Variants in CHD6 observed in about 807,000 individuals in gnomAD.
The protein encoded by CHD6 is chromodomain helicase DNA binding protein 6, also known as ATP-dependent chromatin remodeler CHD6.
Under a neutral mutation model 276.9 loss-of-function variants are expected in CHD6, and 50 were observed. The ratio of observed to expected loss-of-function variants is 0.18; its 90% CI spans 0.14 to 0.23. The LOEUF is 0.23. CHD6 is among the 10% of genes least tolerant of loss of function. The pLI, the probability that CHD6 is intolerant of heterozygous loss-of-function variation, is 1.00. For synonymous variants in CHD6, 1,173 were observed against 1,229.3 expected, an observed-to-expected ratio of 0.95 and a Z score of 0.96; for missense variants, 2,564 against 3,365.8, an observed-to-expected ratio of 0.76 and a Z score of 5.89.
At chr20:41,491,648 C>T in intron 11 of CHD6, 50 bp downstream of exon 11, 7 of 1,611,232 alleles carry the variant, frequency 4.3e-6, no homozygotes, top group Non-Finnish European at 5.9e-6. Context: ...CAGGCTAAGG[C>T]AATAATATAC....
intron 3 of CHD6, among the ~76,000 whole-genome samples, chr20:41,522,623 C>A (rs1408684858): frequency 6.6e-6 from 1 of 152,030 alleles, no homozygotes; most frequent in African/African-American, 2.4e-5. Flanking sequence ...AACTTGTTTG[C>A]AACTGGTTCA....
intron 1 of CHD6, among the ~76,000 whole-genome samples, chr20:41,563,194 G>T (rs2045320465): frequency 6.6e-6 from 1 of 152,216 alleles, no homozygotes; most frequent in Non-Finnish European, 1.5e-5. Flanking sequence ...GCCAGTAGTA[G>T]AAGTGACAAC....
chr20:41,472,729 A>G (rs554869537), intron 17 of CHD6, among the ~76,000 whole-genome samples: 2 of 152,348 alleles, frequency 1.3e-5, no homozygotes, highest in African/African-American at 2.4e-5. Context: ...TTCAAAAAAT[A>G]TATCAACTCC....
intron 25 of CHD6, 98 bp downstream of exon 25, chr20:41,445,567 A>C (rs1352535798): frequency 1.0e-5 from 7 of 701,668 alleles, no homozygotes. Flanking sequence ...AGAATGATAG[A>C]GTTTTGCAGG....
chr20:41,554,952 G>A (rs1271616288), intron 1 of CHD6, among the ~76,000 whole-genome samples: 2 of 151,644 alleles, frequency 1.3e-5, no homozygotes, highest in African/African-American at 2.4e-5. Context: ...TCCCAGTAGG[G>A]GCAGCCGGGC....
intron 1 of CHD6, among the ~76,000 whole-genome samples, chr20:41,555,635 A>G (rs1469644275): frequency 6.0e-5 from 7 of 116,538 alleles, no homozygotes; most frequent in African/African-American, 1.0e-4. Context: ...GGGTAGAGGC[A>G]CTCCTCACAT....
At chr20:41,497,025 G>GT (rs2043703605) in intron 8 of CHD6, 2 of 184,138 alleles carry the variant, frequency 1.1e-5, no homozygotes, top group African/African-American at 4.7e-5. Context: ...GATTTGTTTT[G>GT]TTTTTTACAT....
intron 1 of CHD6, among the ~76,000 whole-genome samples, chr20:41,568,831 G>A (rs1454611009): frequency 1.3e-5 from 2 of 152,182 alleles, no homozygotes; most frequent in Non-Finnish European, 2.9e-5. Flanking sequence ...GCTGCACCCT[G>A]ATGGCTTCCA....
At chr20:41,526,587 C>T (rs943819612) in intron 3 of CHD6, among the ~76,000 whole-genome samples, 22 of 151,178 alleles carry the variant, frequency 1.5e-4, no homozygotes, top group Non-Finnish European at 2.2e-4. Context: ...TTTAACACTT[C>T]GCAGAAGCAA....
intron 1 of CHD6, among the ~76,000 whole-genome samples, chr20:41,565,893 G>C (rs2045350325): frequency 6.6e-6 from 1 of 152,206 alleles, no homozygotes; most frequent in African/African-American, 2.4e-5. Context: ...TCTATGGAAA[G>C]TGGGAGAACA....
At chr20:41,603,484 A>G (rs865774653) in intron 1 of CHD6, among the ~76,000 whole-genome samples, 10 of 152,232 alleles carry the variant, frequency 6.6e-5, no homozygotes, top group African/African-American at 2.4e-4. Flanking sequence ...GAGCTGGCCT[A>G]AGGTAAATTC....
At chr20:41,533,756 G>T (rs1055854452) in intron 2 of CHD6, among the ~76,000 whole-genome samples, 186 bp from the exon 3 acceptor site, 1 of 152,150 alleles carries the variant, frequency 6.6e-6, no homozygotes, top group Non-Finnish European at 1.5e-5. Flanking sequence ...CTTTACACTT[G>T]TGGAGCTGTG....
intron 2 of CHD6, among the ~76,000 whole-genome samples, chr20:41,544,305 G>A (rs546531724): frequency 6.6e-6 from 1 of 152,236 alleles, no homozygotes; most frequent in African/African-American, 2.4e-5. Flanking sequence ...CGTTATGCGA[G>A]CTAAAAATGT....
chr20:41,554,311 G>A (rs1335206010), intron 1 of CHD6, among the ~76,000 whole-genome samples: 2 of 152,114 alleles, frequency 1.3e-5, no homozygotes, highest in Admixed American at 6.5e-5. Context: ...AACAAGCAGG[G>A]CACCTAACAC....
intron 1 of CHD6, among the ~76,000 whole-genome samples, chr20:41,602,489 G>A (rs1027612571): frequency 2.0e-5 from 3 of 152,142 alleles, no homozygotes; most frequent in Non-Finnish European, 4.4e-5. Flanking sequence ...GGTGTTTAAC[G>A]AAACACAGTC....
intron 3 of CHD6, among the ~76,000 whole-genome samples, chr20:41,523,430 T>G (rs923593552): frequency 2.6e-5 from 4 of 152,274 alleles, no homozygotes; most frequent in African/African-American, 9.6e-5. Flanking sequence ...TAAAACTTGA[T>G]TTTACAATCA....
At chr20:41,442,725 T>A (rs576346972) in intron 25 of CHD6, among the ~76,000 whole-genome samples, 33 of 152,256 alleles carry the variant, frequency 2.2e-4, no homozygotes, top group African/African-American at 7.2e-4. Flanking sequence ...GGGCGAAGGT[T>A]AGAAAGGGGT....
At chr20:41,446,566 C>G (rs2048075252) in intron 24 of CHD6, among the ~76,000 whole-genome samples, 1 of 152,160 alleles carries the variant, frequency 6.6e-6, no homozygotes. Context: ...TTCTCCCTCC[C>G]CCTCCAGCTG....
At chr20:41,509,578 G>A (rs543658251) in intron 5 of CHD6, among the ~76,000 whole-genome samples, 51 of 152,250 alleles carry the variant, frequency 3.3e-4, no homozygotes, top group African/African-American at 1.2e-3. Context: ...TACACTGTAC[G>A]CAGACACAGA....
Sources: allele counts gnomAD v4.1 joint callset (sites outside exome capture counted in the v4.1 genomes callset), GRCh38; gene constraint gnomAD v4.1.1; transcripts MANE v1.5; gene names NCBI Gene and HGNC (gene_info 2026-07-23, HGNC 2026-07-21).